The following DNAH9 variants were observed in gnomAD, a reference collection of about 807,000 sequenced individuals.
DNAH9 encodes the protein dynein axonemal heavy chain 9, also known as DNAH9 variant protein.
A neutral mutation model predicts 471.6 loss-of-function variants in DNAH9; 345 were observed. The ratio of observed to expected loss-of-function variants is 0.73; its 90% CI spans 0.67 to 0.80. DNAH9 has a LOEUF of 0.80. DNAH9 is among the 30% of genes least tolerant of loss of function. The pLI is 0.00. For synonymous variants in DNAH9, 2,093 were observed against 2,123.6 expected, an observed-to-expected ratio of 0.99 and a Z score of 0.40; for missense variants, 5,407 against 5,609.2, an observed-to-expected ratio of 0.96 and a Z score of 1.15.
In DNAH9 at chr17:11,913,510, C is replaced by T. The variant is rs1160529663; in HGVS notation, c.11749+7701C>T. 2.6e-5 allele frequency among the ~76,000 whole-genome samples: 4 copies of T among 151,988 alleles called. No individual in the cohort carries two copies. The East Asian group carries it at 5.8e-4, about 22-fold the overall frequency. ...AGAAAAACAATTTATTGTCCGGGCA[C>T]GGTGGCTCATGCCTATAATCCCAGC... is the stretch of plus-strand genomic sequence containing the variant. On this transcript the variant is annotated intron_variant, in intron 61 of 68. Coordinates refer to ENST00000262442, the MANE Select transcript of DNAH9 (RefSeq NM_001372.4).
Position 11,969,452 on chromosome 17 carries a change from GACT to G in DNAH9, c.13387_13389del (p.Thr4463del), listed in dbSNP as rs2151460354. 1 of 1,613,904 alleles carries G rather than the reference GACT, an allele frequency of 6.2e-7. No individual in the cohort carries two copies. The highest frequency in any genetic ancestry group is 2.2e-5 in the East Asian group (1 of 44,842). ...GTCAGCGGGGACCCACCTACGTGTG[GACT>G]TTCAACCTGAAGACTAAGGAAAACC... On this transcript the variant is annotated inframe_deletion, in exon 69 of 69. Coordinates refer to ENST00000262442, the MANE Select transcript of DNAH9 (RefSeq NM_001372.4).
chr17:11,629,005 A>G (rs1190616291), intron 6 of DNAH9, among the ~76,000 whole-genome samples: 2 of 152,044 alleles, frequency 1.3e-5, no homozygotes, highest in Non-Finnish European at 2.9e-5. Context: ...CAGGCTTCAC[A>G]ATTTCCTAAG....
At chr17:11,667,836 C>T (rs1175478987) in intron 15 of DNAH9, among the ~76,000 whole-genome samples, 1 of 152,198 alleles carries the variant, frequency 6.6e-6, no homozygotes, top group African/African-American at 2.4e-5. Context: ...CCTACATCCA[C>T]TGGTGAGGAA....
At chr17:11,734,280 G>A (rs939058667) in intron 28 of DNAH9, among the ~76,000 whole-genome samples, 1 of 152,146 alleles carries the variant, frequency 6.6e-6, no homozygotes, top group African/African-American at 2.4e-5. Flanking sequence ...GGACTGTGCC[G>A]CTCTGGCACA....
intron 24 of DNAH9, among the ~76,000 whole-genome samples, chr17:11,702,633 A>G (rs1567732650): frequency 1.3e-5 from 2 of 152,188 alleles, no homozygotes; most frequent in Non-Finnish European, 2.9e-5. Context: ...ACCAAGCAAG[A>G]AACTGTTGGT....
intron 57 of DNAH9, among the ~76,000 whole-genome samples, chr17:11,890,341 G>A (rs989046677): frequency 6.6e-6 from 1 of 152,128 alleles, no homozygotes; most frequent in African/African-American, 2.4e-5. Flanking sequence ...AATGGATTGG[G>A]TTGAACATGG....
chr17:11,864,913 T>A (rs1291560337), intron 50 of DNAH9, among the ~76,000 whole-genome samples: 1 of 152,168 alleles, frequency 6.6e-6, no homozygotes, highest in Non-Finnish European at 1.5e-5. Context: ...AGCCTATGTG[T>A]GTCTCTGCAT....
rs371202459 is a variant in DNAH9, at chr17:11,644,648, A to G, written c.1919A>G (p.Glu640Gly). 1 of 1,612,380 alleles carries G rather than the reference A, an allele frequency of 6.2e-7. No individual in the cohort carries two copies. The highest frequency in any genetic ancestry group is 8.5e-7 in the Non-Finnish European group (1 of 1,178,852). Residue 640 changes from glutamate (E) to glycine (G), a missense_variant, in exon 11 of 69, where the codon GAA becomes GGA. By Grantham distance (98) the Glu-to-Gly change is moderately conservative (BLOSUM62 -2). Transcript: ENST00000262442. Reference protein sequence around the residue: ...RITHPCMESAEGKRMQQKYED... With the variant: ...RITHPCMESAGGKRMQQKYED... ...ACGAGTAGTTGCATGGAATCTGCAG[A>G]AGGAAAGCGAATGCAACAAAAATAT... is the stretch of plus-strand genomic sequence containing the variant.
chr17:11,822,858 C>G lies in DNAH9; in HGVS notation c.9070C>G (p.Gln3024Glu), dbSNP rs767831124. The G allele has an allele frequency of 2.5e-6, 4 of 1,614,116 alleles. No individual in the cohort carries two copies. In the African/African-American group the frequency reaches 4.0e-5, roughly 16 times the overall value. ...FMAFVHTSVN[Q>E]TSQSYLSNEQ... ...GGCCTTTGTCCACACAAGTGTCAAC[C>G]AAACATCCCAGTCTTATCTGAGCAA... Residue 3024 changes from glutamine to glutamate, a missense_variant, in exon 48 of 69, where the codon CAA becomes GAA. Gln to Glu is a conservative substitution (Grantham distance 29). Coordinates refer to ENST00000262442, the MANE Select transcript of DNAH9 (RefSeq NM_001372.4).
Position 11,611,680 on chromosome 17 carries a change from A to G in DNAH9, c.804A>G (p.Gln268=), listed in dbSNP as rs569357035. Residue 268 remains glutamine (Q), a synonymous_variant, in exon 4 of 69, where the codon CAA becomes CAG. Coordinates refer to ENST00000262442, the MANE Select transcript of DNAH9 (RefSeq NM_001372.4). The stretch of plus-strand genomic sequence containing the variant: ...AAGATCTGAAATACATCTATAATCA[A>G]CTGAGAACAATAACGGTGAGGGGCA... ...RYEDLKYIYN[Q]LRTITVRGMA... The G allele has an allele frequency of 6.8e-6, 11 of 1,614,044 alleles. No homozygotes were observed. The highest frequency in any genetic ancestry group is 4.0e-5 in the African/African-American group (3 of 75,052).
chr17:11,863,728 C>A (rs1654948096), intron 50 of DNAH9, among the ~76,000 whole-genome samples: 1 of 150,398 alleles, frequency 6.6e-6, no homozygotes, highest in Admixed American at 6.6e-5. Flanking sequence ...AGAGATTCAA[C>A]TTCTTCCTGG....
intron 17 of DNAH9, among the ~76,000 whole-genome samples, chr17:11,678,860 G>T (rs903082300): frequency 1.3e-5 from 2 of 152,018 alleles, no homozygotes; most frequent in Admixed American, 6.6e-5. Flanking sequence ...TGGCACTTTT[G>T]TTATACTTAT....
intron 65 of DNAH9, among the ~76,000 whole-genome samples, chr17:11,934,435 ATTTTTTTT>A (rs547023975): frequency 4.6e-5 from 4 of 86,046 alleles, no homozygotes; most frequent in African/African-American, 1.8e-4. Context: ...TGACAAACCC[ATTTTTTTT>A]TTTTTTTTTT....
At chr17:11,930,694 G>A (rs1974477580) in intron 63 of DNAH9, among the ~76,000 whole-genome samples, 1 of 151,382 alleles carries the variant, frequency 6.6e-6, no homozygotes, top group African/African-American at 2.4e-5. Flanking sequence ...GAACCTGGGA[G>A]GCGGAGCTTG....
intron 28 of DNAH9, among the ~76,000 whole-genome samples, chr17:11,728,469 A>G (rs2075194832): frequency 1.3e-5 from 2 of 150,780 alleles, no homozygotes; most frequent in South Asian, 4.3e-4. Flanking sequence ...CAACCTAGTA[A>G]GTGTTATGCA....
rs113483879 is a variant in DNAH9, at chr17:11,894,354, A to G, written c.11284-20A>G. ...TGGCTACAAGCTAAAGAAATGCAGT[A>G]TCATTTCTCCACATTGCAGATTCTC... On this transcript the variant is annotated intron_variant, in intron 58 of 68. Coordinates refer to ENST00000262442, the MANE Select transcript of DNAH9 (RefSeq NM_001372.4). 1,319 of 1,612,624 alleles carry G rather than the reference A, an allele frequency of 8.2e-4. 7 individuals are homozygous for G. In the African/African-American group the frequency reaches 0.016, roughly 19 times the overall value.
rs756457999 is a variant in DNAH9, at chr17:11,752,921, G to C, written c.6699G>C (p.Met2233Ile). The change falls in exon 33 of 69, where the codon ATG (methionine) becomes ATC (isoleucine). Residue 2233 changes from methionine (M) to isoleucine (I), a missense_variant. Met to Ile is a conservative substitution (Grantham distance 10). Around this residue, in one of 3 missense-constraint regions of DNAH9, gnomAD observed 4,636 missense variants for 4,900.3 expected, o/e 0.95. Transcript: ENST00000262442. ...WILLDGDIDPMWIESLNTVMD... is the reference protein window; with the variant it reads ...WILLDGDIDPIWIESLNTVMD... ...TACTGGATGGCGACATAGATCCAAT[G>C]TGGATTGAATCCCTGAATACTGTCA... 68 of 1,606,610 alleles carry C rather than the reference G, an allele frequency of 4.2e-5. No homozygotes were observed. The highest frequency in any genetic ancestry group is 5.7e-5 in the Non-Finnish European group (67 of 1,175,870).
Position 11,617,642 on chromosome 17 carries a change from C to A in DNAH9, c.1116+20C>A, listed in dbSNP as rs565544220. On this transcript the variant is annotated intron_variant, in intron 5 of 68. Transcript: ENST00000262442. ...CAGCAGGTGGGCTGCCCTGGGATGC[C>A]CAGCAACTGCTCCCTGGGGGCTGGT... The A allele has an allele frequency of 3.8e-6, 6 of 1,582,496 alleles. No individual in the cohort carries two copies. The East Asian group carries it at 1.1e-4, about 29-fold the overall frequency.
chr17:11,861,704 A>C (rs1012569464), intron 50 of DNAH9, among the ~76,000 whole-genome samples: 6 of 152,176 alleles, frequency 3.9e-5, no homozygotes, highest in Admixed American at 3.9e-4. Context: ...CTGACTTTTT[A>C]ATGATTGCCA....
Sources: allele counts gnomAD v4.1 joint callset (sites outside exome capture counted in the v4.1 genomes callset), GRCh38; gene constraint gnomAD v4.1.1; regional missense constraint gnomAD v4.1.1; transcripts MANE v1.5; gene names NCBI Gene and HGNC (gene_info 2026-07-23, HGNC 2026-07-21).